The following RBMX variants were observed in gnomAD, a reference collection of about 807,000 sequenced individuals.
The protein encoded by RBMX is RNA-binding motif protein, X chromosome.
A neutral mutation model predicts 29.3 loss-of-function variants in RBMX; 1 was observed. The observed-to-expected ratio is 0.03, with a 90% confidence interval of 0.01 to 0.16. RBMX has a LOEUF of 0.16. Among genes scored for constraint, RBMX ranks in the 10% least tolerant of loss-of-function variants. The probability of loss-of-function intolerance (pLI) is 1.00; values close to 1 mark genes in which losing one functional copy is unlikely to be tolerated. For synonymous variants in RBMX, 102 were observed against 102.3 expected (o/e 1.00, Z 0.02); for missense variants, 121 against 333.2 (o/e 0.36, Z 4.96).
At chrX:136,879,491 TTCC>T (rs2077775051) in intron 1 of RBMX, 38 bp from the exon 2 acceptor site, 9 of 1,063,976 alleles carry the variant, frequency 8.5e-6, no homozygotes, top group African/African-American at 5.7e-5. Context: ...CTGCAAAAAG[TTCC>T]TCAAGTTTAT....
chrX:136,871,933 A>T (rs1219391312), downstream of RBMX, among the ~76,000 whole-genome samples: 1 of 108,847 alleles, frequency 9.2e-6, no homozygotes, highest in Non-Finnish European at 1.9e-5. Context: ...GATTAAAGGC[A>T]CGAGCCATGG....
intron 1 of RBMX, among the ~76,000 whole-genome samples, chrX:136,880,035 A>T (rs753312545): frequency 2.7e-5 from 3 of 112,442 alleles, no homozygotes; most frequent in African/African-American, 9.7e-5. Context: ...TTTGCTATTA[A>T]GTAACGGAAC....
At position 136,877,328 on chromosome X, in the gene RBMX, A is replaced by ACCCC. The variant is rs765225668; in HGVS notation, c.388+583_388+586dup. 1.3e-3 allele frequency among the ~76,000 whole-genome samples: 33 copies of ACCCC among 25,313 alleles called. 5 individuals carry two copies. The highest frequency in any genetic ancestry group is 2.0e-3 in the East Asian group (1 of 491). 22.0% of individuals were successfully genotyped at this position (25,313 alleles called of 115,157 possible). A position where few individuals can be genotyped will look rare whatever the true frequency, so the allele number is the denominator to read the frequency against. The stretch of plus-strand genomic sequence containing the variant: ...GCCTGGGCAACAAGTGCTAAACTCT[A>ACCCC]CCCCCCCCCCCCCAAAAAAAAACCA... On this transcript the variant is annotated intron_variant, in intron 4 of 8. Transcript: ENST00000320676.
At chrX:136,876,408 C>T (rs2077730066) in intron 5 of RBMX, 95 bp downstream of exon 5, 10 of 982,811 alleles carry the variant, frequency 1.0e-5, no homozygotes, top group Admixed American at 3.4e-5. Context: ...GGGCGTGAGC[C>T]ACCACGCCTG....
At chrX:136,870,682 T>G (rs2077678396), downstream of RBMX, among the ~76,000 whole-genome samples, 1 of 104,150 alleles carries the variant, frequency 9.6e-6, no homozygotes, top group African/African-American at 3.6e-5. Context: ...AGTACAAAGA[T>G]TAGCCGGGCA....
chrX:136,872,472 G>A (rs2077691320), downstream of RBMX: 4 of 574,237 alleles, frequency 7.0e-6, no homozygotes, highest in South Asian at 1.2e-4. Context: ...TATATTTCAT[G>A]TTCTACTATT....
intron 4 of RBMX, 37 bp from the exon 5 acceptor site, chrX:136,876,692 A>T (rs367982730): frequency 1.9e-6 from 2 of 1,048,562 alleles, no homozygotes; most frequent in African/African-American, 3.9e-5. Flanking sequence ...ATTACTACTC[A>T]CAAGAATCAA....
At chrX:136,874,678 T>C (rs1416716958) in intron 8 of RBMX, 1 of 447,874 alleles carries the variant, frequency 2.2e-6, no homozygotes, top group East Asian at 4.0e-5. Flanking sequence ...CGGTGTGTAT[T>C]TCAAGAGGAT....
intron 4 of RBMX, among the ~76,000 whole-genome samples, chrX:136,877,538 C>A (rs1437194882): frequency 1.9e-5 from 2 of 106,152 alleles, no homozygotes; most frequent in African/African-American, 6.9e-5. Context: ...GCAACCTCTG[C>A]CTCCCAAGTT....
chrX:136,876,275 C>A (rs1367012340), intron 5 of RBMX, among the ~76,000 whole-genome samples: 2 of 108,270 alleles, frequency 1.8e-5, no homozygotes, highest in Non-Finnish European at 3.8e-5. Context: ...AGGAACCCGC[C>A]CTACACTCAG....
At chrX:136,877,219 C>G (rs2077739420) in intron 4 of RBMX, among the ~76,000 whole-genome samples, 1 of 105,631 alleles carries the variant, frequency 9.5e-6, no homozygotes, top group Non-Finnish European at 1.9e-5. Flanking sequence ...GTAATCCCAG[C>G]TACTTGGGAG....
intron 1 of RBMX, 76 bp from the exon 2 acceptor site, chrX:136,879,529 T>C (rs2077775662): frequency 2.4e-6 from 2 of 840,009 alleles, no homozygotes; most frequent in African/African-American, 4.1e-5. Flanking sequence ...TTCGCACATT[T>C]CTCATATTTT....
chrX:136,879,417 G>A lies in RBMX; in HGVS notation c.11C>T (p.Ala4Val). The A allele has an allele frequency of 1.7e-6, 2 of 1,193,741 alleles. No individual in the cohort carries two copies. The highest frequency in any genetic ancestry group is 2.2e-6 in the Non-Finnish European group (2 of 890,467). ...AATGAAGAGCTTTCCTGGGCGATCTGCTTCAACCATGTTTTTTTTTTTTTG... is the reference window on the plus strand; with the variant it reads ...AATGAAGAGCTTTCCTGGGCGATCTACTTCAACCATGTTTTTTTTTTTTTG... MVE[A>V]DRPGKLFIGG... The change falls in exon 2 of 9, where the codon GCA becomes GTA. Residue 4 changes from alanine (A) to valine (V), a missense_variant. Coordinates refer to ENST00000320676, the MANE Select transcript of RBMX (RefSeq NM_002139.4).
downstream of RBMX, among the ~76,000 whole-genome samples, chrX:136,871,963 C>T (rs1274795434): frequency 1.8e-5 from 2 of 111,003 alleles, no homozygotes; most frequent in African/African-American, 6.6e-5. Flanking sequence ...GAGCAAACTT[C>T]TTACGTGTGT....
In RBMX at chrX:136,876,448, T is replaced by C. The variant is rs1020126672; in HGVS notation, c.541+55A>G. 3.6e-6 allele frequency: 4 copies of C among 1,101,172 alleles called. No individual in the cohort carries two copies. In the African/African-American group the frequency reaches 7.5e-5, roughly 21 times the overall value. The allele number at this position is 1,101,172 out of a possible 1,213,427, so 90.7% of individuals were successfully genotyped here. A position where few individuals can be genotyped will look rare whatever the true frequency, so the allele number is the denominator to read the frequency against. ...ATTAAAATTTTAAGCATCATTCACC[T>C]CTCAATTCTTTGTGTTACGGTAGTA... is the stretch of plus-strand genomic sequence containing the variant. On this transcript the variant is annotated intron_variant, in intron 5 of 8. Coordinates refer to ENST00000320676, the MANE Select transcript of RBMX (RefSeq NM_002139.4).
downstream of RBMX, among the ~76,000 whole-genome samples, chrX:136,872,021 T>C (rs1011495192): frequency 3.6e-5 from 4 of 111,148 alleles, no homozygotes; most frequent in African/African-American, 6.6e-5. Context: ...AAGCAAGCTT[T>C]ATGGGTTCAA....
intron 3 of RBMX, among the ~76,000 whole-genome samples, chrX:136,878,607 T>C (rs1301931598): frequency 1.5e-5 from 1 of 68,382 alleles, no homozygotes; most frequent in East Asian, 5.6e-4. Context: ...TAGCCGGGCG[T>C]GGTCGCGCAT....
In RBMX at chrX:136,880,684, G is replaced by A. The variant is rs1242011830; in HGVS notation, c.-114C>T. ...AGCACCAGTGGCGGCTGCCGGGTGC[G>A]AGGACCGAACCGCGAAGCCGCTAGC... On this transcript the variant is annotated 5_prime_UTR_variant, in exon 1 of 9. Transcript: ENST00000320676. 1.6e-5 allele frequency: 2 copies of A among 123,812 alleles called. No homozygotes were observed. The highest frequency in any genetic ancestry group is 3.2e-5 in the African/African-American group (1 of 31,326). 10.2% of individuals were successfully genotyped at this position (123,812 alleles called of 1,213,427 possible). A position where few individuals can be genotyped will look rare whatever the true frequency, so the allele number is the denominator to read the frequency against.
chrX:136,876,382 A>G, intron 5 of RBMX, 121 bp downstream of exon 5: 1 of 811,144 alleles, frequency 1.2e-6, no homozygotes, highest in Non-Finnish European at 1.7e-6. Context: ...GCGGCCTCCC[A>G]AAGTGCTAGG....
Sources: allele counts gnomAD v4.1 joint callset (sites outside exome capture counted in the v4.1 genomes callset), GRCh38; gene constraint gnomAD v4.1.1; transcripts MANE v1.5; gene names NCBI Gene and HGNC (gene_info 2026-07-23, HGNC 2026-07-21).